The following GAB1 variants were observed in gnomAD, a reference collection of about 807,000 sequenced individuals.
The protein encoded by GAB1 is GRB2-associated-binding protein 1.
A neutral mutation model predicts 66.5 loss-of-function variants in GAB1; 19 were observed. The ratio of observed to expected loss-of-function variants is 0.29; its 90% CI spans 0.20 to 0.42. The LOEUF (loss-of-function observed/expected upper bound fraction) is 0.42, where lower values mean the gene tolerates loss of function less well. Among genes scored for constraint, GAB1 ranks in the 10% least tolerant of loss-of-function variants. The pLI is 1.00. For missense variants in GAB1, 732 were observed against 858.5 expected, an observed-to-expected ratio of 0.85 and a Z score of 1.84; for synonymous variants, 294 against 301.4, an observed-to-expected ratio of 0.98 and a Z score of 0.25.
intron 1 of GAB1, chr4:143,343,513 C>G (rs571933906): frequency 6.5e-6 from 1 of 154,654 alleles, no homozygotes; most frequent in Non-Finnish European, 1.5e-5. Flanking sequence ...AAACAGGTAT[C>G]GCAGGAGCTT....
At chr4:143,358,005 T>G (rs1163802515) in intron 1 of GAB1, among the ~76,000 whole-genome samples, 1 of 152,084 alleles carries the variant, frequency 6.6e-6, no homozygotes, top group Non-Finnish European at 1.5e-5. Context: ...GTCTGTTATA[T>G]AAATTGCTAT....
chr4:143,415,286 T>G (rs1732621511), intron 1 of GAB1, among the ~76,000 whole-genome samples, 191 bp from the exon 2 acceptor site: 1 of 152,198 alleles, frequency 6.6e-6, no homozygotes, highest in South Asian at 2.1e-4. Context: ...ATTATTAAGT[T>G]AATTGAGTTA....
At chr4:143,355,276 C>T (rs1016501248) in intron 1 of GAB1, among the ~76,000 whole-genome samples, 1 of 152,230 alleles carries the variant, frequency 6.6e-6, no homozygotes, top group African/African-American at 2.4e-5. Context: ...GAGCTGTTCT[C>T]ATTACCATTT....
chr4:143,350,066 C>T, intron 1 of GAB1: 1 of 1,484,814 alleles, frequency 6.7e-7, no homozygotes, highest in African/African-American at 1.4e-5. Flanking sequence ...TTCCCCATCC[C>T]AGGGCCACCA....
intron 1 of GAB1, chr4:143,382,169 A>T (rs963729683): frequency 6.6e-6 from 1 of 152,174 alleles, no homozygotes; most frequent in African/African-American, 2.4e-5. Context: ...TAGACAGACT[A>T]ATGCTGTTTT....
At position 143,350,102 on chromosome 4, in the gene GAB1, C is replaced by T. The variant is rs890875056; in HGVS notation, c.72+12842C>T. On this transcript the variant is annotated intron_variant, in intron 1 of 9. Transcript: ENST00000262994. The stretch of plus-strand genomic sequence containing the variant: ...GGGCCTCCGGGCCCTCCCGCTGCAC[C>T]GGCGTCATCCGCCATTTGGTGTTTT... 39 of 1,247,924 alleles carry T rather than the reference C, an allele frequency of 3.1e-5. 1 individual carries two copies. The highest frequency in any genetic ancestry group is 4.3e-5 in the Non-Finnish European group (38 of 890,682). 77.3% of individuals were successfully genotyped at this position (1,247,924 alleles called of 1,614,324 possible).
chr4:143,428,288 G>A (rs927711172), intron 2 of GAB1, among the ~76,000 whole-genome samples: 1 of 152,162 alleles, frequency 6.6e-6, no homozygotes, highest in Non-Finnish European at 1.5e-5. Context: ...AGACAAAAAT[G>A]TGTCTTGGGG....
In GAB1 at chr4:143,457,899, T is replaced by C. The variant is rs993186634; in HGVS notation, c.1586-1486T>C. On this transcript the variant is annotated intron_variant, in intron 6 of 9. Transcript: ENST00000262994. ...GTTGTAAATAAAACTTTCCTGCACATTATTTCTAAAGTGAATGCTTCCCAT... is the reference window on the plus strand; with the variant it reads ...GTTGTAAATAAAACTTTCCTGCACACTATTTCTAAAGTGAATGCTTCCCAT... 4 of 591,686 alleles carry C rather than the reference T, an allele frequency of 6.8e-6. No homozygotes were observed. The Admixed American group carries it at 1.2e-4, about 17-fold the overall frequency. 36.7% of individuals were successfully genotyped at this position (591,686 alleles called of 1,614,324 possible). A position where few individuals can be genotyped will look rare whatever the true frequency, so the allele number is the denominator to read the frequency against.
At chr4:143,364,165 G>T (rs1729775189) in intron 1 of GAB1, among the ~76,000 whole-genome samples, 2 of 149,336 alleles carry the variant, frequency 1.3e-5, no homozygotes, top group Admixed American at 6.7e-5. Context: ...TCCAGCCTGG[G>T]CTACAAGAGG....
At chr4:143,383,092 T>C (rs1270259431) in intron 1 of GAB1, among the ~76,000 whole-genome samples, 1 of 152,230 alleles carries the variant, frequency 6.6e-6, no homozygotes, top group Non-Finnish European at 1.5e-5. Flanking sequence ...CATAATGATA[T>C]GTCACAGATG....
intron 1 of GAB1, among the ~76,000 whole-genome samples, chr4:143,345,108 A>C (rs964143535): frequency 9.2e-5 from 14 of 152,256 alleles, no homozygotes; most frequent in African/African-American, 3.4e-4. Context: ...ATAAGTTATA[A>C]AGGAATAGAG....
In GAB1 at chr4:143,415,596, A is replaced by T. The variant is rs1271754824; in HGVS notation, c.192A>T (p.Leu64Phe). The T allele has an allele frequency of 6.2e-7, 1 of 1,613,904 alleles. No homozygotes were observed. The highest frequency in any genetic ancestry group is 1.3e-5 in the African/African-American group (1 of 75,064). ...CTATTCGTATTATTGATTTAAATTT[A>T]TGTCAACAAGTAGATGCTGGATTGA... ...KKPIRIIDLN[L>F]CQQVDAGLTF... Residue 64 changes from leucine to phenylalanine, a missense_variant, in exon 2 of 10, where the codon TTA becomes TTT. This residue lies in a region of GAB1 where 66 missense variants were observed against 130.3 expected (regional missense o/e 0.51). Transcript: ENST00000262994.
rs1734135977 is a variant in GAB1, at chr4:143,440,002, ATGAG to A, written c.1282-74_1282-71del. 6 of 1,428,510 alleles carry A rather than the reference ATGAG, an allele frequency of 4.2e-6. 1 individual carries two copies. The South Asian group carries it at 4.8e-5, about 11-fold the overall frequency. 88.5% of individuals were successfully genotyped at this position (1,428,510 alleles called of 1,614,324 possible). ...TAAAAGTACGCTGAGATCCATATGA[ATGAG>A]TGTGACTTACAATTGTGTTTTCATG... On this transcript the variant is annotated intron_variant, in intron 5 of 9. Coordinates refer to ENST00000262994, the MANE Select transcript of GAB1 (RefSeq NM_002039.4).
At position 143,460,473 on chromosome 4, in the gene GAB1, T is replaced by G; in HGVS notation, c.1789T>G (p.Ser597Ala). The G allele has an allele frequency of 6.2e-7, 1 of 1,613,758 alleles. No homozygotes were observed. The highest frequency in any genetic ancestry group is 8.5e-7 in the Non-Finnish European group (1 of 1,179,752). Residue 597 changes from serine (S) to alanine (A), a missense_variant, in exon 8 of 10, where the codon TCC becomes GCC. Ser to Ala is a moderately conservative substitution (Grantham distance 99, BLOSUM62 1). Transcript: ENST00000262994. ...ENYVPMNPNL[S>A]SEDPNLFGSN... is the part of the protein sequence containing the mutation. ...TTATGTTCCCATGAACCCAAACCTG[T>G]CCAGTGAAGACCCAGTATGTAAAGT...
intron 1 of GAB1, among the ~76,000 whole-genome samples, chr4:143,345,754 A>G (rs945241856): frequency 4.6e-5 from 7 of 152,234 alleles, no homozygotes; most frequent in African/African-American, 1.7e-4. Context: ...ATTTATCATT[A>G]TTGCCTAGAG....
intron 1 of GAB1, among the ~76,000 whole-genome samples, chr4:143,352,491 G>A (rs1316877060): frequency 6.6e-6 from 1 of 152,206 alleles, no homozygotes; most frequent in Non-Finnish European, 1.5e-5. Flanking sequence ...GCTTGGCAGA[G>A]TCCTTGTGTC....
In GAB1 at chr4:143,337,082, C is replaced by T; in HGVS notation, c.-107C>T. The stretch of plus-strand genomic sequence containing the variant: ...GCCCAGTCCGTCCGGGGTGCGCGAC[C>T]AGGAGAGCTAGGTTCTCGCCACTGC... On this transcript the variant is annotated 5_prime_UTR_variant, in exon 1 of 10. Transcript: ENST00000262994. The T allele has an allele frequency of 1.1e-6, 1 of 950,954 alleles. No homozygotes were observed. Among genetic ancestry groups the T allele is most frequent in the Non-Finnish European group, 1.6e-6 (1 of 634,376 alleles). The allele number at this position is 950,954 out of a possible 1,614,324, so 58.9% of individuals were successfully genotyped here.
chr4:143,451,230 G>T (rs1734914356), intron 6 of GAB1, among the ~76,000 whole-genome samples: 1 of 152,132 alleles, frequency 6.6e-6, no homozygotes, highest in Admixed American at 6.6e-5. Flanking sequence ...GTAGGGGAGG[G>T]CAGCCTGGCA....
At chr4:143,415,918 C>T in intron 2 of GAB1, 147 bp downstream of exon 2, 1 of 670,814 alleles carries the variant, frequency 1.5e-6, no homozygotes, top group Non-Finnish European at 2.4e-6. Context: ...AGCACTGAAT[C>T]CTTTAATTAG....
Sources: allele counts gnomAD v4.1 joint callset (sites outside exome capture counted in the v4.1 genomes callset), GRCh38; gene constraint gnomAD v4.1.1; regional missense constraint gnomAD v4.1.1; transcripts MANE v1.5; gene names NCBI Gene and HGNC (gene_info 2026-07-23, HGNC 2026-07-21).